The following CNTN1 variants were observed in gnomAD, a reference collection of about 807,000 sequenced individuals.
CNTN1 encodes contactin-1.
In CNTN1, 38 loss-of-function variants were observed where a neutral mutation model predicts 126.4. The ratio of observed to expected loss-of-function variants is 0.30; its 90% confidence interval spans 0.23 to 0.39. The LOEUF (loss-of-function observed/expected upper bound fraction) is 0.39, where lower values mean the gene tolerates loss of function less well. Among genes scored for constraint, CNTN1 ranks in the 10% least tolerant of loss-of-function variants. CNTN1 has a pLI of 1.00. For missense variants in CNTN1, 1,009 were observed against 1,248.4 expected (o/e 0.81, Z 2.89); for synonymous variants, 413 against 422.6 (o/e 0.98, Z 0.28).
At chr12:40,897,882 C>T (rs1404511290) in intron 1 of CNTN1, among the ~76,000 whole-genome samples, 14 of 152,124 alleles carry the variant, frequency 9.2e-5, no homozygotes, top group Admixed American at 8.5e-4. Context: ...AACTATTCAA[C>T]AACTCTCTGT....
chr12:40,958,379 G>GTATA (rs371856896), intron 14 of CNTN1, among the ~76,000 whole-genome samples: 2 of 140,122 alleles, frequency 1.4e-5, no homozygotes, highest in Non-Finnish European at 3.1e-5. Flanking sequence ...GTGTGTGTGT[G>GTATA]TATGTATGTA....
At chr12:40,714,279 A>G (rs1415471075) in intron 1 of CNTN1, among the ~76,000 whole-genome samples, 1 of 152,084 alleles carries the variant, frequency 6.6e-6, no homozygotes, top group East Asian at 1.9e-4. Context: ...AGAAAAGTGG[A>G]ACAGTATGTG....
intron 23 of CNTN1, among the ~76,000 whole-genome samples, chr12:41,059,990 C>T (rs901697560): frequency 2.6e-5 from 4 of 151,914 alleles, no homozygotes; most frequent in African/African-American, 9.7e-5. Context: ...CGCATCTTTG[C>T]ACTCACTCAG....
Position 40,933,707 on chromosome 12 carries a change from G to A in CNTN1, c.814G>A (p.Asp272Asn), listed in dbSNP as rs1407407442. 6.2e-7 allele frequency: 1 copy of A among 1,612,700 alleles called. No individual in the cohort carries two copies. The highest frequency in any genetic ancestry group is 1.1e-5 in the South Asian group (1 of 91,066). Residue 272 changes from aspartate (D) to asparagine (N), a missense_variant, in exon 9 of 24, where the codon GAT (aspartate) becomes AAT (asparagine). Coordinates refer to ENST00000551295, the MANE Select transcript of CNTN1 (RefSeq NM_001843.4). Reference sequence around the variant, plus strand: ...ATCTTCTATTTAAAGTCCTGTTCCGGATATCCGATGGCGGAAGGTTCTAGA... The same window carrying A: ...ATCTTCTATTTAAAGTCCTGTTCCGAATATCCGATGGCGGAAGGTTCTAGA... Reference protein sequence around the residue: ...ECFALGNPVPDIRWRKVLEPM... With the variant: ...ECFALGNPVPNIRWRKVLEPM...
intron 23 of CNTN1, among the ~76,000 whole-genome samples, chr12:41,047,449 TTC>T (rs1375287751): frequency 6.6e-6 from 1 of 151,972 alleles, no homozygotes; most frequent in Middle Eastern, 3.2e-3. Context: ...AAAGTGGTGG[TTC>T]TCTCTCATAC....
intron 1 of CNTN1, among the ~76,000 whole-genome samples, chr12:40,702,153 C>G (rs1348344008): frequency 6.8e-6 from 1 of 147,404 alleles, no homozygotes; most frequent in Non-Finnish European, 1.5e-5. Context: ...CCAGCCTGTT[C>G]TCGGACTCCT....
At chr12:40,984,222 C>T (rs17552679) in intron 16 of CNTN1, among the ~76,000 whole-genome samples, 39,826 of 151,440 alleles carry the variant, frequency 0.26, 5,676 homozygotes, top group Middle Eastern at 0.35. Flanking sequence ...TTATATTATC[C>T]TTTGTTAATT....
intron 1 of CNTN1, among the ~76,000 whole-genome samples, chr12:40,745,324 C>T (rs6581934): frequency 6.6e-6 from 1 of 151,946 alleles, no homozygotes; most frequent in African/African-American, 2.4e-5. Flanking sequence ...GCCCAAGGTG[C>T]TCGGCCCACA....
At chr12:40,981,389 G>A (rs908475156) in intron 16 of CNTN1, among the ~76,000 whole-genome samples, 2 of 151,996 alleles carry the variant, frequency 1.3e-5, no homozygotes, top group Non-Finnish European at 2.9e-5. Flanking sequence ...CTATTTTTGA[G>A]CAAATAGCAT....
At chr12:40,872,456 T>C (rs1324184490) in intron 1 of CNTN1, among the ~76,000 whole-genome samples, 1 of 152,042 alleles carries the variant, frequency 6.6e-6, no homozygotes, top group African/African-American at 2.4e-5. Context: ...TCTAACTATA[T>C]AGTTATCTTG....
chr12:40,733,249 C>T (rs1271889365), intron 1 of CNTN1, among the ~76,000 whole-genome samples: 1 of 151,910 alleles, frequency 6.6e-6, no homozygotes, highest in Non-Finnish European at 1.5e-5. Context: ...TAACGAAAAG[C>T]TTATAAACCT....
chr12:41,052,189 C>G (rs1162857567), intron 23 of CNTN1, among the ~76,000 whole-genome samples: 1 of 152,126 alleles, frequency 6.6e-6, no homozygotes, highest in African/African-American at 2.4e-5. Context: ...TAGACTGTTC[C>G]ATAAACTTTG....
chr12:40,872,673 C>G (rs1469293163), intron 1 of CNTN1, among the ~76,000 whole-genome samples: 1 of 145,444 alleles, frequency 6.9e-6, no homozygotes, highest in Non-Finnish European at 1.5e-5. Context: ...TGGGTTCAAG[C>G]AATTCTCCTG....
chr12:40,811,822 C>T (rs1941076526), intron 1 of CNTN1, among the ~76,000 whole-genome samples: 1 of 44,582 alleles, frequency 2.2e-5, no homozygotes, highest in Non-Finnish European at 8.0e-5. Flanking sequence ...TTAACTTTAT[C>T]TTTTCAAAAA....
chr12:40,771,853 G>T (rs1358498275), intron 1 of CNTN1, among the ~76,000 whole-genome samples: 2 of 151,870 alleles, frequency 1.3e-5, no homozygotes, highest in Non-Finnish European at 2.9e-5. Flanking sequence ...TTGTTTAAAA[G>T]ACAATTTAAA....
intron 15 of CNTN1, among the ~76,000 whole-genome samples, chr12:40,963,379 T>TCAATTTTC (rs1305855742): frequency 2.6e-5 from 4 of 152,144 alleles, no homozygotes; most frequent in South Asian, 4.1e-4. Context: ...CATATTGACC[T>TCAATTTTC]CAATTTTCCA....
Position 40,737,349 on chromosome 12 carries a change from ATG to A in CNTN1, c.-77+44767_-77+44768del, listed in dbSNP as rs1185641804. Among the ~76,000 whole-genome samples the A allele has an allele frequency of 5.4e-3, 627 of 116,096 alleles. 11 individuals carry two copies. The highest frequency in any genetic ancestry group is 0.017 in the African/African-American group (542 of 31,466). 76.2% of individuals were successfully genotyped at this position (116,096 alleles called of 152,430 possible). A position where few individuals can be genotyped will look rare whatever the true frequency, so the allele number is the denominator to read the frequency against. ...GGAGTGTGTGTGTGTGTGTGTATAT[ATG>A]TGTGTGTGTATATATATATATATAT... On this transcript the variant is annotated intron_variant, in intron 1 of 23. Transcript: ENST00000551295.
At chr12:40,947,764 C>CATATATATATATATAT (rs34815270) in intron 14 of CNTN1, among the ~76,000 whole-genome samples, 2 of 68,304 alleles carry the variant, frequency 2.9e-5, no homozygotes, top group African/African-American at 6.5e-5. Context: ...GTCACTATTT[C>CATATATATATATATAT]ATATATATAT....
intron 1 of CNTN1, among the ~76,000 whole-genome samples, chr12:40,788,213 G>T (rs1392980669): frequency 8.5e-5 from 13 of 152,084 alleles, no homozygotes; most frequent in Non-Finnish European, 1.5e-4. Context: ...AAACCAGGAA[G>T]TTCATCCATT....
Sources: gnomAD v4.1 joint callset for allele counts (sites outside exome capture counted in the v4.1 genomes callset) on GRCh38, gnomAD v4.1.1 for gene constraint, MANE v1.5 for transcripts, NCBI Gene and HGNC (gene_info 2026-07-23, HGNC 2026-07-21) for gene names.